CALD1: variants seen among roughly 807,000 people sequenced by gnomAD.
CALD1 encodes the protein caldesmon 1, also known as caldesmon.
CALD1 carries 33 observed loss-of-function variants against 99.9 expected under a neutral mutation model. That is an observed-to-expected ratio of 0.33 (90% CI 0.25 to 0.44). CALD1 has a LOEUF of 0.44. Ranked by LOEUF, CALD1 falls within the 20% of genes least tolerant of loss-of-function variation. The pLI is 1.00. For synonymous variants in CALD1, 310 were observed against 325.0 expected (o/e 0.95, Z 0.50); for missense variants, 861 against 962.1 (o/e 0.89, Z 1.39).
chr7:134,830,364 A>G (rs892469308), intron 1 of CALD1, among the ~76,000 whole-genome samples: 1 of 152,058 alleles, frequency 6.6e-6, no homozygotes, highest in Non-Finnish European at 1.5e-5. Context: ...TATCTCATTT[A>G]TCAAGGCATC....
intron 3 of CALD1, among the ~76,000 whole-genome samples, chr7:134,899,178 T>C (rs552479549): frequency 1.3e-5 from 2 of 152,184 alleles, no homozygotes; most frequent in South Asian, 2.1e-4. Flanking sequence ...CACACAGACA[T>C]TGGTTAGAAC....
intron 1 of CALD1, among the ~76,000 whole-genome samples, chr7:134,836,682 C>T (rs897219616): frequency 2.0e-5 from 3 of 152,174 alleles, no homozygotes; most frequent in Admixed American, 6.5e-5. Flanking sequence ...CAAACACTGA[C>T]GTCAGCTACT....
At chr7:134,711,652 CTCTCTCTCTA>C in the CALD1 span, among the ~76,000 whole-genome samples, 4 of 68,440 alleles carry the variant, frequency 5.8e-5, no homozygotes, top group African/African-American at 2.7e-4. Context: ...CTCTCTCTCT[CTCTCTCTCTA>C]TATATATATA....
chr7:134,967,442 T>G (rs865985364), intron 14 of CALD1, among the ~76,000 whole-genome samples: 5 of 152,150 alleles, frequency 3.3e-5, no homozygotes, highest in African/African-American at 1.2e-4. Flanking sequence ...ACTTTAAGAT[T>G]TCTTAATAGC....
intron 4 of CALD1, among the ~76,000 whole-genome samples, chr7:134,929,646 G>GTGTATATA (rs1488854871): frequency 4.9e-3 from 39 of 7,886 alleles, no homozygotes; most frequent in East Asian, 0.029. Context: ...GTGTGTGTGT[G>GTGTATATA]TATATATATA....
chr7:134,724,767 A>C, the CALD1 span, among the ~76,000 whole-genome samples: 7 of 152,160 alleles, frequency 4.6e-5, no homozygotes, highest in Admixed American at 2.6e-4. Flanking sequence ...GTGAATTTAG[A>C]ACAATCCAGT....
intron 2 of CALD1, among the ~76,000 whole-genome samples, chr7:134,856,875 A>G (rs1373763302): frequency 6.6e-6 from 1 of 152,260 alleles, no homozygotes; most frequent in Non-Finnish European, 1.5e-5. Flanking sequence ...TTTGTTTAAC[A>G]ACTAAGTTCA....
chr7:134,814,925 G>C (rs1439138085), intron 1 of CALD1, among the ~76,000 whole-genome samples: 3 of 152,138 alleles, frequency 2.0e-5, no homozygotes, highest in African/African-American at 7.2e-5. Context: ...AAGGGAGCTG[G>C]ATCACGTGAC....
chr7:134,722,269 C>T, the CALD1 span, among the ~76,000 whole-genome samples: 1 of 152,168 alleles, frequency 6.6e-6, no homozygotes, highest in Non-Finnish European at 1.5e-5. Flanking sequence ...CTTCTCTTTG[C>T]CACTTTTTTC....
At chr7:134,811,867 A>C (rs1324420302) in intron 1 of CALD1, among the ~76,000 whole-genome samples, 1 of 152,176 alleles carries the variant, frequency 6.6e-6, no homozygotes, top group Admixed American at 6.5e-5. Flanking sequence ...TAAGAATGTG[A>C]CATCCAAAAT....
chr7:134,873,009 C>G (rs762472857), intron 3 of CALD1, among the ~76,000 whole-genome samples: 58 of 151,864 alleles, frequency 3.8e-4, no homozygotes, highest in Non-Finnish European at 7.8e-4. Flanking sequence ...ATGGTGAAAC[C>G]CTGTCTCTAC....
intron 13 of CALD1, 72 bp downstream of exon 13, chr7:134,960,700 G>A: frequency 2.1e-6 from 2 of 961,822 alleles, no homozygotes; most frequent in Admixed American, 3.8e-5. Flanking sequence ...ACAAGCAGTT[G>A]GTCTGTTTAC....
chr7:134,867,277 A>T (rs4732063), intron 2 of CALD1, among the ~76,000 whole-genome samples: 118,366 of 152,158 alleles, frequency 0.78, 46,552 homozygotes, highest in East Asian at 0.97. Flanking sequence ...AGTTCCTACA[A>T]ATACCTCTTC....
chr7:134,932,991 G>T lies in CALD1; in HGVS notation c.222G>T (p.Val74=). The T allele has an allele frequency of 6.2e-7, 1 of 1,602,792 alleles. No individual in the cohort carries two copies. The highest frequency in any genetic ancestry group is 8.5e-7 in the Non-Finnish European group (1 of 1,173,538). Residue 74 remains valine, a synonymous_variant, in exon 5 of 15, where the codon GTG becomes GTT. Transcript: ENST00000361675. ...DQVEVNAQNS[V]PDEEAKTTTT... is the part of the protein sequence containing the mutation. ...TGTTGTTCTTTCTGTTGTACAGTGTGCCTGACGAGGAGGCCAAGACAACCA... is the reference window on the plus strand; with the variant it reads ...TGTTGTTCTTTCTGTTGTACAGTGTTCCTGACGAGGAGGCCAAGACAACCA...
At chr7:134,942,123 G>A (rs1409080836) in intron 7 of CALD1, among the ~76,000 whole-genome samples, 1 of 152,166 alleles carries the variant, frequency 6.6e-6, no homozygotes, top group Non-Finnish European at 1.5e-5. Context: ...TGGTTGCTGT[G>A]CCAGATGTGC....
chr7:134,880,754 T>C (rs948287638), intron 3 of CALD1, among the ~76,000 whole-genome samples: 14 of 152,208 alleles, frequency 9.2e-5, no homozygotes, highest in African/African-American at 2.9e-4. Flanking sequence ...AACTGATATC[T>C]GACACCTGTC....
chr7:134,843,386 A>G (rs1028805954), intron 1 of CALD1, among the ~76,000 whole-genome samples: 7 of 152,218 alleles, frequency 4.6e-5, no homozygotes, highest in African/African-American at 1.7e-4. Context: ...AAGGAAAGAG[A>G]TTATCTGAAG....
At chr7:134,770,083 T>A (rs1796864728) in intron 1 of CALD1, among the ~76,000 whole-genome samples, 2 of 152,234 alleles carry the variant, frequency 1.3e-5, no homozygotes, top group Admixed American at 1.3e-4. Flanking sequence ...AACTCTCACT[T>A]AATATTTATA....
chr7:134,906,171 C>T (rs1243088323), intron 3 of CALD1, among the ~76,000 whole-genome samples: 1 of 151,666 alleles, frequency 6.6e-6, no homozygotes, highest in South Asian at 2.1e-4. Context: ...CTCAGGTGAT[C>T]CACCCACCTG....
Sources: gnomAD v4.1 joint callset for allele counts (sites outside exome capture counted in the v4.1 genomes callset) on GRCh38, gnomAD v4.1.1 for gene constraint, MANE v1.5 for transcripts, NCBI Gene and HGNC (gene_info 2026-07-23, HGNC 2026-07-21) for gene names.